HHAT: variants seen among roughly 807,000 people sequenced by gnomAD.
HHAT encodes the protein protein-cysteine N-palmitoyltransferase HHAT.
Under a neutral mutation model 70.8 loss-of-function variants are expected in HHAT, and 47 were observed. That is an observed-to-expected ratio of 0.66 (90% CI 0.53 to 0.85). The LOEUF (loss-of-function observed/expected upper bound fraction) is 0.85. Ranked by LOEUF, HHAT falls within the 40% of genes least tolerant of loss-of-function variation. HHAT has a pLI of 0.00. For missense variants in HHAT, 609 were observed against 604.8 expected (o/e 1.01, Z -0.07); for synonymous variants, 228 against 247.6 (o/e 0.92, Z 0.74).
chr1:210,544,505 T>C (rs1001896627), intron 9 of HHAT, among the ~76,000 whole-genome samples: 4 of 151,742 alleles, frequency 2.6e-5, no homozygotes, highest in Non-Finnish European at 5.9e-5. Flanking sequence ...CCCGAGTAGC[T>C]GGGATTACAG....
At chr1:210,605,374 C>G (rs966497786) in intron 10 of HHAT, among the ~76,000 whole-genome samples, 3 of 152,192 alleles carry the variant, frequency 2.0e-5, no homozygotes, top group African/African-American at 7.2e-5. Context: ...ATAAACCCCT[C>G]CTACTTAGAT....
At chr1:210,665,168 G>A (rs531420696) in intron 11 of HHAT, among the ~76,000 whole-genome samples, 1 of 152,338 alleles carries the variant, frequency 6.6e-6, no homozygotes, top group South Asian at 2.1e-4. Flanking sequence ...ATATGTTGGT[G>A]ACATTTAAGA....
At chr1:210,638,400 G>A (rs895764636) in intron 11 of HHAT, among the ~76,000 whole-genome samples, 2 of 152,056 alleles carry the variant, frequency 1.3e-5, no homozygotes, top group Non-Finnish European at 2.9e-5. Context: ...TTGGAAACAC[G>A]GTAAATGAAA....
At chr1:210,672,466 CTCT>C (rs1348617362) in intron 11 of HHAT, among the ~76,000 whole-genome samples, 1 of 152,234 alleles carries the variant, frequency 6.6e-6, no homozygotes, top group East Asian at 1.9e-4. Context: ...ATCTGACAAA[CTCT>C]TGCTCAGCCC....
chr1:210,339,405 C>T (rs978506570), intron 1 of HHAT, among the ~76,000 whole-genome samples: 1 of 136,200 alleles, frequency 7.3e-6, no homozygotes, highest in African/African-American at 3.1e-5. Context: ...TGCTGCTCCT[C>T]CCATAAAGAA....
chr1:210,544,676 G>A (rs2095467689), intron 9 of HHAT, among the ~76,000 whole-genome samples: 2 of 151,850 alleles, frequency 1.3e-5, no homozygotes, highest in African/African-American at 4.8e-5. Flanking sequence ...CCCAGCCCAG[G>A]GTGTTTTTCA....
chr1:210,498,171 A>C (rs1346593624), intron 8 of HHAT, among the ~76,000 whole-genome samples: 1 of 152,200 alleles, frequency 6.6e-6, no homozygotes, highest in African/African-American at 2.4e-5. Context: ...GTAAATGTAA[A>C]GAAATTACAT....
chr1:210,498,774 CTTT>C (rs36053258), intron 8 of HHAT, among the ~76,000 whole-genome samples: 6 of 119,844 alleles, frequency 5.0e-5, no homozygotes, highest in Admixed American at 8.4e-5. Flanking sequence ...TTTTTTTTTT[CTTT>C]TTTTTTTTTT....
Position 210,387,522 on chromosome 1 carries a change from G to T in HHAT, c.214G>T (p.Val72Leu), listed in dbSNP as rs1188728045. ...GATGGAATGGGGGAAGCAGTGGCTGGTGTGGCTTCTCCTTGGCCACATGGT... is the reference window on the plus strand; with the variant it reads ...GATGGAATGGGGGAAGCAGTGGCTGTTGTGGCTTCTCCTTGGCCACATGGT... Reference protein sequence around the residue: ...FWMEWGKQWLVWLLLGHMVVS... With the variant: ...FWMEWGKQWLLWLLLGHMVVS... The change falls in exon 4 of 12, where the codon GTG (valine) becomes TTG (leucine). Residue 72 changes from valine to leucine, a missense_variant. Physicochemically the swap from Val to Leu is conservative, Grantham distance 32. Coordinates refer to ENST00000261458, the MANE Select transcript of HHAT (RefSeq NM_018194.6). 32 of 1,614,032 alleles carry T rather than the reference G, an allele frequency of 2.0e-5. No individual in the cohort carries two copies. The Admixed American group carries it at 4.8e-4, about 24-fold the overall frequency.
At chr1:210,497,464 C>A (rs1200591132) in intron 8 of HHAT, among the ~76,000 whole-genome samples, 1 of 152,146 alleles carries the variant, frequency 6.6e-6, no homozygotes, top group Admixed American at 6.5e-5. Flanking sequence ...GAAACTGTGG[C>A]AGTTTCAAAC....
At chr1:210,394,886 A>G (rs900686837) in intron 4 of HHAT, among the ~76,000 whole-genome samples, 2 of 152,094 alleles carry the variant, frequency 1.3e-5, no homozygotes, top group African/African-American at 4.8e-5. Flanking sequence ...GAGGGATGAA[A>G]TTCCTTTTAC....
intron 7 of HHAT, among the ~76,000 whole-genome samples, chr1:210,431,073 T>C (rs1307805228): frequency 6.6e-6 from 1 of 151,980 alleles, no homozygotes; most frequent in Non-Finnish European, 1.5e-5. Context: ...AATTGCTGCT[T>C]TGTCCTTGGG....
rs1439467852 is a variant in HHAT, at chr1:210,675,658, T to C, written c.*1279T>C. Reference sequence around the variant, plus strand: ...TGGCCCTTATGTCTTGAGTTGAGGTTATCATCTCAATGAGGCTTTAGCTCC... The same window carrying C: ...TGGCCCTTATGTCTTGAGTTGAGGTCATCATCTCAATGAGGCTTTAGCTCC... On this transcript the variant is annotated 3_prime_UTR_variant, in exon 12 of 12. Transcript: ENST00000261458. The C allele has an allele frequency of 6.6e-6, 1 of 152,202 alleles. No individual in the cohort carries two copies. Among genetic ancestry groups the C allele is most frequent in the Non-Finnish European group, 1.5e-5 (1 of 68,022 alleles). 9.4% of individuals were successfully genotyped at this position (152,202 alleles called of 1,614,324 possible).
chr1:210,450,299 G>GT (rs895771381), intron 7 of HHAT, among the ~76,000 whole-genome samples: 5 of 150,928 alleles, frequency 3.3e-5, no homozygotes, highest in African/African-American at 1.2e-4. Context: ...TCAGGTGGGG[G>GT]GGGTGGGAAA....
intron 9 of HHAT, among the ~76,000 whole-genome samples, chr1:210,577,674 G>A (rs1010861672): frequency 9.9e-5 from 8 of 80,894 alleles, no homozygotes; most frequent in African/African-American, 3.4e-4. Flanking sequence ...TCGAAATGGA[G>A]TCTCACTCTG....
At chr1:210,329,234 C>G in intron 1 of HHAT, 130 bp downstream of exon 1, 2 of 1,225,100 alleles carry the variant, frequency 1.6e-6, no homozygotes, top group Admixed American at 4.3e-5. Flanking sequence ...TGTGCGCGCC[C>G]GAGGGCGGGA....
intron 7 of HHAT, among the ~76,000 whole-genome samples, chr1:210,423,541 G>A (rs988589614): frequency 6.6e-6 from 1 of 152,034 alleles, no homozygotes; most frequent in Non-Finnish European, 1.5e-5. Flanking sequence ...CCTTTTCTTT[G>A]CAGAAGCTTT....
intron 9 of HHAT, among the ~76,000 whole-genome samples, chr1:210,566,156 T>C (rs949103739): frequency 3.9e-5 from 6 of 152,148 alleles, no homozygotes; most frequent in African/African-American, 1.2e-4. Context: ...ACACTTAAAG[T>C]TGCCAAAAAA....
intron 8 of HHAT, among the ~76,000 whole-genome samples, chr1:210,468,973 A>G (rs2094153334): frequency 6.6e-6 from 1 of 152,142 alleles, no homozygotes; most frequent in South Asian, 2.1e-4. Flanking sequence ...TGAGGAGAAT[A>G]CTACTACTTT....
Sources: allele counts gnomAD v4.1 joint callset (sites outside exome capture counted in the v4.1 genomes callset), GRCh38; gene constraint gnomAD v4.1.1; transcripts MANE v1.5; gene names NCBI Gene and HGNC (gene_info 2026-07-23, HGNC 2026-07-21).